CTDNEP1: variants seen among roughly 807,000 people sequenced by gnomAD.
CTDNEP1 encodes the protein CTD nuclear envelope phosphatase 1.
A neutral mutation model predicts 30.1 loss-of-function variants in CTDNEP1; 3 were observed. The ratio of observed to expected loss-of-function variants is 0.10; its 90% CI spans 0.05 to 0.26. The LOEUF (loss-of-function observed/expected upper bound fraction) is 0.26, where lower values mean the gene tolerates loss of function less well. Among genes scored for constraint, CTDNEP1 ranks in the 10% least tolerant of loss-of-function variants. CTDNEP1 has a pLI of 1.00. For missense variants in CTDNEP1, 158 were observed against 310.4 expected, an observed-to-expected ratio of 0.51 and a Z score of 3.69; for synonymous variants, 123 against 118.8, an observed-to-expected ratio of 1.04 and a Z score of -0.23.
Position 7,246,001 on chromosome 17 carries a change from C to T in CTDNEP1, c.589+25G>A, listed in dbSNP as rs199546360. 1,346 of 1,518,272 alleles carry T rather than the reference C, an allele frequency of 8.9e-4. 2 individuals carry two copies. The highest frequency in any genetic ancestry group is 1.1e-3 in the Non-Finnish European group (1,251 of 1,093,978). The allele number at this position is 1,518,272 out of a possible 1,614,324, so 94.1% of individuals were successfully genotyped here. A position where few individuals can be genotyped will look rare whatever the true frequency, so the allele number is the denominator to read the frequency against. On this transcript the variant is annotated intron_variant, in intron 6 of 7. Transcript: ENST00000574322. The surrounding 1 kb of genome is among the most constrained non-coding windows in gnomAD (Gnocchi z 4.9). ...TTCTCAGAACCATGTTCTGGTCCTGCCAGACTCACCACCTTCCCCCGTACC... is the reference window on the plus strand; with the variant it reads ...TTCTCAGAACCATGTTCTGGTCCTGTCAGACTCACCACCTTCCCCCGTACC...
At chr17:7,245,070 A>G (rs536185898) in intron 6 of CTDNEP1, among the ~76,000 whole-genome samples, 15 of 152,312 alleles carry the variant, frequency 9.8e-5, no homozygotes, top group African/African-American at 3.6e-4. Context: ...AAGCGGACGA[A>G]TCACGAGGTC....
At chr17:7,244,474 CTTT>C (rs1406423520) in intron 7 of CTDNEP1, 74 bp downstream of exon 7, 7 of 1,415,128 alleles carry the variant, frequency 4.9e-6, no homozygotes, top group Non-Finnish European at 7.0e-6. Context: ...CAGGACAAAC[CTTT>C]TTTATTCCCT....
chr17:7,247,464 C>CTTAT (rs753512890), intron 1 of CTDNEP1, 121 bp from the exon 2 acceptor site: 16 of 690,396 alleles, frequency 2.3e-5, no homozygotes, highest in African/African-American at 3.7e-5. Flanking sequence ...AGGCTTATTT[C>CTTAT]TTCTTCTTTT....
At chr17:7,247,215 G>T in intron 2 of CTDNEP1, 33 bp from the exon 3 acceptor site, 2 of 1,609,008 alleles carry the variant, frequency 1.2e-6, no homozygotes, top group Non-Finnish European at 1.7e-6. Context: ...AATATTGACC[G>T]ACCTCTGACC....
chr17:7,245,616 A>G (rs894671939), intron 6 of CTDNEP1, among the ~76,000 whole-genome samples: 5 of 151,296 alleles, frequency 3.3e-5, no homozygotes, highest in African/African-American at 7.3e-5. Context: ...CTCCTGCCTC[A>G]GCCTCCCGAG....
At position 7,244,669 on chromosome 17, in the gene CTDNEP1, A is replaced by G. The variant is rs778710208; in HGVS notation, c.590-34T>C. 5 of 1,444,134 alleles carry G rather than the reference A, an allele frequency of 3.5e-6. No homozygotes were observed. The Admixed American group carries it at 1.1e-4, about 32-fold the overall frequency. The allele number at this position is 1,444,134 out of a possible 1,614,324, so 89.5% of individuals were successfully genotyped here. A position where few individuals can be genotyped will look rare whatever the true frequency, so the allele number is the denominator to read the frequency against. On this transcript the variant is annotated intron_variant, in intron 6 of 7. Transcript: ENST00000574322. ...GGTGAAAATGCAGATGAGAAGAAAC[A>G]GAATTCAAGAGAGACGGTGTTTTTC...
Position 7,246,975 on chromosome 17 carries a change from G to T in CTDNEP1, c.288+89C>A, listed in dbSNP as rs1258925288. 2.1e-6 allele frequency: 3 copies of T among 1,407,060 alleles called. No homozygotes were observed. Among genetic ancestry groups the T allele is most frequent in the Non-Finnish European group, 3.0e-6 (3 of 996,708 alleles). The allele number at this position is 1,407,060 out of a possible 1,614,324, so 87.2% of individuals were successfully genotyped here. On this transcript the variant is annotated intron_variant, in intron 3 of 7. Coordinates refer to ENST00000574322, the MANE Select transcript of CTDNEP1 (RefSeq NM_001143775.2). This position sits in a 1 kb window ranked among gnomAD's most constrained non-coding sequence, Gnocchi z 4.9. ...AGGCTGACACTGGTGCCAGCGGATG[G>T]AGACAGATGCTCTGGGACTGGGAAA... is the stretch of plus-strand genomic sequence containing the variant.
chr17:7,244,436 T>G (rs1044005537), intron 7 of CTDNEP1, 115 bp downstream of exon 7: 3 of 1,261,832 alleles, frequency 2.4e-6, no homozygotes, highest in Non-Finnish European at 2.3e-6. Flanking sequence ...GGTCCAAATG[T>G]TAAATTCTTA....
intron 6 of CTDNEP1, among the ~76,000 whole-genome samples, chr17:7,245,557 G>A (rs911965747): frequency 6.6e-6 from 1 of 151,794 alleles, no homozygotes; most frequent in African/African-American, 2.4e-5. Context: ...GGAGTGCAAT[G>A]GTGCAATCTC....
Position 7,244,506 on chromosome 17 carries a change from C to T in CTDNEP1, c.674+45G>A, listed in dbSNP as rs773720989. 2.0e-6 allele frequency: 3 copies of T among 1,526,502 alleles called. 1 individual carries two copies. The highest frequency in any genetic ancestry group is 2.2e-5 in the South Asian group (2 of 89,306). The allele number at this position is 1,526,502 out of a possible 1,614,324, so 94.6% of individuals were successfully genotyped here. On this transcript the variant is annotated intron_variant, in intron 7 of 7. Transcript: ENST00000574322. ...ATTCCCTCTGAGGATCCCCCACCTC[C>T]TCCTTTCTTGAGATATCCAAGTGTC...
At chr17:7,251,148 A>C in intron 1 of CTDNEP1, 47 bp downstream of exon 1, 1 of 1,408,478 alleles carries the variant, frequency 7.1e-7, no homozygotes, top group Non-Finnish European at 9.7e-7. Flanking sequence ...AGATGTCCCC[A>C]ACACCGCCAG....
In CTDNEP1 at chr17:7,247,288, C is replaced by T. The variant is rs748108988; in HGVS notation, c.158G>A (p.Arg53Gln). Residue 53 changes from arginine to glutamine, a missense_variant, in exon 2 of 8, where the codon CGG becomes CAG. Coordinates refer to ENST00000574322, the MANE Select transcript of CTDNEP1 (RefSeq NM_001143775.2). ...CACCACATACTTACCTAGCCGATTC[C>T]GGGACACAGGAGATAAGGGGAGGAT... ...YDILPLSPVS[R>Q]NRLAQVKRKI... 1.1e-5 allele frequency: 18 copies of T among 1,613,802 alleles called. No individual in the cohort carries two copies. The East Asian group carries it at 2.0e-4, about 18-fold the overall frequency.
Position 7,246,170 on chromosome 17 carries a change from C to T in CTDNEP1, c.478-33G>A. ...GCAGGGGATCATGTAGCAGGCCTCT[C>T]TCCAGGATACTCTCCTCAAACCCAG... is the stretch of plus-strand genomic sequence containing the variant. On this transcript the variant is annotated intron_variant, in intron 5 of 7. Coordinates refer to ENST00000574322, the MANE Select transcript of CTDNEP1 (RefSeq NM_001143775.2). The surrounding 1 kb of genome is among the most constrained non-coding windows in gnomAD (Gnocchi z 4.9). 6.3e-7 allele frequency: 1 copy of T among 1,590,586 alleles called. No homozygotes were observed.
Position 7,243,885 on chromosome 17 carries a change from C to T in CTDNEP1, c.*300G>A. The T allele has an allele frequency of 8.4e-7, 1 of 1,193,394 alleles. No homozygotes were observed. 73.9% of individuals were successfully genotyped at this position (1,193,394 alleles called of 1,614,324 possible). A position where few individuals can be genotyped will look rare whatever the true frequency, so the allele number is the denominator to read the frequency against. ...CTCCTGGATCACCGTATGTCTGTCA[C>T]TCTGGCCAGTCCTGCCTCTTCACAA... On this transcript the variant is annotated 3_prime_UTR_variant, in exon 8 of 8. Transcript: ENST00000574322.
At chr17:7,245,840 G>A (rs993322455) in intron 6 of CTDNEP1, among the ~76,000 whole-genome samples, 186 bp downstream of exon 6, 2 of 152,034 alleles carry the variant, frequency 1.3e-5, no homozygotes, top group African/African-American at 2.4e-5. Flanking sequence ...TAAGAAATCC[G>A]ACTTATGAAA....
chr17:7,246,553 ACT>A lies in CTDNEP1; in HGVS notation c.361-185_361-184del. ...CCAAACTCAGTGTTAGGCATCCTAC[ACT>A]CTTATGATTCAGAAATGCAAGAACA... is the stretch of plus-strand genomic sequence containing the variant. On this transcript the variant is annotated intron_variant, in intron 4 of 7. Transcript: ENST00000574322. This position sits in a 1 kb window ranked among gnomAD's most constrained non-coding sequence, Gnocchi z 4.9. The A allele has an allele frequency of 3.1e-6, 2 of 638,268 alleles. No individual in the cohort carries two copies. Among genetic ancestry groups the A allele is most frequent in the South Asian group, 3.7e-5 (2 of 53,334 alleles). 39.5% of individuals were successfully genotyped at this position (638,268 alleles called of 1,614,324 possible). A position where few individuals can be genotyped will look rare whatever the true frequency, so the allele number is the denominator to read the frequency against.
At chr17:7,247,470 CTTTT>C (rs763334733) in intron 1 of CTDNEP1, 127 bp from the exon 2 acceptor site, 449 of 544,294 alleles carry the variant, frequency 8.2e-4, no homozygotes, top group East Asian at 1.1e-3. Context: ...ATTTCTTCTT[CTTTT>C]TTTTTTTTTT....
At chr17:7,245,589 C>G (rs904412184) in intron 6 of CTDNEP1, among the ~76,000 whole-genome samples, 2 of 151,948 alleles carry the variant, frequency 1.3e-5, no homozygotes, top group Non-Finnish European at 2.9e-5. Flanking sequence ...ACCTCCGCCT[C>G]CCGGGTTCAA....
chr17:7,249,451 A>C (rs2071885016), intron 1 of CTDNEP1, among the ~76,000 whole-genome samples: 1 of 152,130 alleles, frequency 6.6e-6, no homozygotes, highest in African/African-American at 2.4e-5. Context: ...CGGGGTGGGG[A>C]AAGAAACCAG....
Sources: gnomAD v4.1 joint callset for allele counts (sites outside exome capture counted in the v4.1 genomes callset) on GRCh38, gnomAD v4.1.1 for gene constraint, Gnocchi (gnomAD v3.1) non-coding constraint, MANE v1.5 for transcripts, NCBI Gene and HGNC (gene_info 2026-07-23, HGNC 2026-07-21) for gene names.